ERAP1: variants seen among roughly 807,000 people sequenced by gnomAD.
The protein encoded by ERAP1 is adipocyte-derived leucine aminopeptidase.
ERAP1 carries 86 observed loss-of-function variants against 103.7 expected under a neutral mutation model. That is an observed-to-expected ratio of 0.83 (90% CI 0.70 to 0.99). The LOEUF is 0.99. Ranked by LOEUF, ERAP1 falls within the 50% of genes least tolerant of loss-of-function variation. The pLI is 0.00. For synonymous variants in ERAP1, 398 were observed against 402.4 expected (o/e 0.99, Z 0.13); for missense variants, 1,009 against 1,128.4 (o/e 0.89, Z 1.52).
chr5:96,879,525 T>A, the ERAP1 span: 554 of 578,654 alleles, frequency 9.6e-4, 3 homozygotes, highest in South Asian at 7.9e-3. Flanking sequence ...TAAATTGAAA[T>A]CTTTTTTGTC....
At chr5:96,808,033 G>A, upstream of ERAP1, 2 of 985,502 alleles carry the variant, frequency 2.0e-6, no homozygotes, top group Non-Finnish European at 2.4e-6. Context: ...TAAGGCGGGA[G>A]CTGGGGAAAG....
intron 1 of ERAP1, chr5:96,804,334 G>T (rs1778317497): frequency 3.1e-6 from 1 of 319,058 alleles, no homozygotes; most frequent in South Asian, 2.7e-5. Context: ...GCTCATGAAA[G>T]AAGCAAAACC....
At chr5:96,833,668 C>T in the ERAP1 span, among the ~76,000 whole-genome samples, 1 of 151,842 alleles carries the variant, frequency 6.6e-6, no homozygotes, top group Non-Finnish European at 1.5e-5. Flanking sequence ...CATGGTGGTG[C>T]GTGCCTGTAA....
intron 3 of ERAP1, among the ~76,000 whole-genome samples, chr5:96,799,257 C>A (rs1777719026): frequency 6.6e-6 from 1 of 152,106 alleles, no homozygotes. Context: ...CTGCCCCATG[C>A]CCAAAAGCTT....
the ERAP1 span, chr5:96,889,037 C>A: frequency 1.1e-6 from 1 of 931,572 alleles, no homozygotes; most frequent in Non-Finnish European, 1.6e-6. Flanking sequence ...TTCACAGAAC[C>A]TCTTATCCTT....
At chr5:96,835,802 G>T in the ERAP1 span, among the ~76,000 whole-genome samples, 1 of 152,134 alleles carries the variant, frequency 6.6e-6, no homozygotes, top group African/African-American at 2.4e-5. Context: ...CTGGAGCAGG[G>T]TCTTCAAAAG....
the ERAP1 span, among the ~76,000 whole-genome samples, chr5:96,858,795 A>T: frequency 6.6e-6 from 1 of 152,276 alleles, no homozygotes; most frequent in East Asian, 1.9e-4. Flanking sequence ...TGTAGCTAAA[A>T]TGTCATGTCC....
At chr5:96,890,218 G>A in the ERAP1 span, among the ~76,000 whole-genome samples, 2 of 152,200 alleles carry the variant, frequency 1.3e-5, no homozygotes, top group Non-Finnish European at 2.9e-5. Context: ...CAGATTTGTG[G>A]AAACAATTTT....
At chr5:96,929,105 T>C in the ERAP1 span, among the ~76,000 whole-genome samples, 1 of 152,234 alleles carries the variant, frequency 6.6e-6, no homozygotes. Flanking sequence ...ACAGAAATCC[T>C]GGCACCATGC....
At chr5:96,861,890 A>G in the ERAP1 span, among the ~76,000 whole-genome samples, 1 of 152,162 alleles carries the variant, frequency 6.6e-6, no homozygotes, top group African/African-American at 2.4e-5. Flanking sequence ...AATTTTGCCT[A>G]TTACTTTTTA....
the ERAP1 span, among the ~76,000 whole-genome samples, chr5:96,895,847 G>T: frequency 6.6e-6 from 1 of 152,104 alleles, no homozygotes; most frequent in Admixed American, 6.6e-5. Context: ...ACACAAATTT[G>T]CATATCAAGG....
intron 19 of ERAP1, chr5:96,765,234 ACCTCGATGATG>A (rs1769436667): frequency 6.2e-7 from 1 of 1,602,882 alleles, no homozygotes; most frequent in African/African-American, 1.3e-5. Flanking sequence ...AGTGACAAAG[ACCTCGATGATG>A]CCTTGGATAA....
chr5:96,861,457 A>G, the ERAP1 span, among the ~76,000 whole-genome samples: 3 of 152,192 alleles, frequency 2.0e-5, no homozygotes, highest in Non-Finnish European at 4.4e-5. Context: ...GTATGTGCTT[A>G]TTCTCATTTA....
At chr5:96,799,016 T>C (rs1411222530) in intron 3 of ERAP1, among the ~76,000 whole-genome samples, 1 of 151,696 alleles carries the variant, frequency 6.6e-6, no homozygotes, top group Non-Finnish European at 1.5e-5. Flanking sequence ...TACAGACATG[T>C]GCCACCACGC....
intron 19 of ERAP1, among the ~76,000 whole-genome samples, chr5:96,767,240 C>A (rs1449541786): frequency 1.3e-5 from 2 of 152,168 alleles, no homozygotes; most frequent in African/African-American, 2.4e-5. Flanking sequence ...TCCCCCAAGT[C>A]TACACAAATG....
At chr5:96,891,075 C>G in the ERAP1 span, among the ~76,000 whole-genome samples, 57 of 152,228 alleles carry the variant, frequency 3.7e-4, no homozygotes, top group Middle Eastern at 0.017. Flanking sequence ...GAATACTAAT[C>G]TTTATTAGCG....
chr5:96,762,223 C>T, exon 20 of ERAP1: 1 of 1,196,888 alleles, frequency 8.4e-7, no homozygotes, highest in Non-Finnish European at 1.2e-6. Context: ...TGGCATTGTG[C>T]TCATAATTTT....
the ERAP1 span, among the ~76,000 whole-genome samples, chr5:96,830,705 T>C: frequency 1.3e-5 from 2 of 152,220 alleles, no homozygotes; most frequent in Admixed American, 6.5e-5. Context: ...TAGTAATATA[T>C]ACACTTGGAG....
At chr5:96,761,452 T>A (rs1261302158) in exon 20 of ERAP1, 2 of 152,152 alleles carry the variant, frequency 1.3e-5, no homozygotes, top group African/African-American at 2.4e-5. Context: ...TTTAAATAAT[T>A]TCCAATAATA....
Sources: gnomAD v4.1 joint callset for allele counts (sites outside exome capture counted in the v4.1 genomes callset) on GRCh38, gnomAD v4.1.1 for gene constraint, MANE v1.5 for transcripts, NCBI Gene and HGNC (gene_info 2026-07-23, HGNC 2026-07-21) for gene names.